ERG: variants seen among roughly 807,000 people sequenced by gnomAD.
ERG encodes the protein ETS transcription factor ERG.
Under a neutral mutation model 55.3 loss-of-function variants are expected in ERG, and 9 were observed. The ratio of observed to expected loss-of-function variants is 0.16; its 90% CI spans 0.10 to 0.28. ERG has a LOEUF of 0.28. Ranked by LOEUF, ERG falls within the 10% of genes least tolerant of loss-of-function variation. The pLI is 1.00. For synonymous variants in ERG, 223 were observed against 237.3 expected, an observed-to-expected ratio of 0.94 and a Z score of 0.55; for missense variants, 434 against 631.6, an observed-to-expected ratio of 0.69 and a Z score of 3.35.
intron 2 of ERG, among the ~76,000 whole-genome samples, chr21:38,574,875 G>C (rs992437118): frequency 6.6e-6 from 1 of 152,200 alleles, no homozygotes; most frequent in African/African-American, 2.4e-5. Flanking sequence ...ACCAGCACAG[G>C]TGTAGACAGC....
At chr21:38,403,860 G>A in intron 3 of ERG, 151 bp from the exon 4 acceptor site, 1 of 677,682 alleles carries the variant, frequency 1.5e-6, no homozygotes, top group Non-Finnish European at 2.6e-6. Flanking sequence ...GAACATTTTG[G>A]GGGAAAGACA....
At chr21:38,425,093 C>G (rs910411332) in intron 2 of ERG, among the ~76,000 whole-genome samples, 4 of 152,150 alleles carry the variant, frequency 2.6e-5, no homozygotes, top group South Asian at 4.1e-4. Flanking sequence ...AAAAGAAAAT[C>G]CAGCTTAGGG....
chr21:38,389,497 C>T (rs964028792), intron 9 of ERG, among the ~76,000 whole-genome samples: 1 of 151,896 alleles, frequency 6.6e-6, no homozygotes, highest in African/African-American at 2.4e-5. Flanking sequence ...GCTGCCAGAT[C>T]AGTCTTCCTG....
chr21:38,459,677 G>T (rs778425890), intron 1 of ERG, among the ~76,000 whole-genome samples: 2 of 152,142 alleles, frequency 1.3e-5, no homozygotes, highest in South Asian at 4.1e-4. Flanking sequence ...TCAGAGAAAG[G>T]CCATTTCTAG....
At chr21:38,413,509 G>A (rs1371936516) in intron 3 of ERG, among the ~76,000 whole-genome samples, 1 of 152,016 alleles carries the variant, frequency 6.6e-6, no homozygotes, top group Non-Finnish European at 1.5e-5. Context: ...CTCTATGAAA[G>A]ATTCAAAAAT....
intron 1 of ERG, among the ~76,000 whole-genome samples, chr21:38,639,880 G>A (rs1601342200): frequency 6.6e-6 from 1 of 152,326 alleles, no homozygotes; most frequent in South Asian, 2.1e-4. Flanking sequence ...AGGGGACCCA[G>A]CATGAAAACC....
intron 2 of ERG, among the ~76,000 whole-genome samples, chr21:38,545,931 TCTC>T (rs1162206680): frequency 2.0e-5 from 3 of 152,134 alleles, no homozygotes; most frequent in African/African-American, 7.2e-5. Context: ...TCTACAGACT[TCTC>T]CTCTCTTCTC....
intron 1 of ERG, among the ~76,000 whole-genome samples, chr21:38,601,140 G>A (rs992827476): frequency 2.6e-5 from 4 of 152,176 alleles, no homozygotes; most frequent in Admixed American, 1.3e-4. Flanking sequence ...GGATTGACAG[G>A]ATGGAACGGT....
chr21:38,583,094 T>A (rs2146879448), intron 1 of ERG, among the ~76,000 whole-genome samples: 1 of 152,380 alleles, frequency 6.6e-6, no homozygotes, highest in East Asian at 1.9e-4. Flanking sequence ...AATTTAGTAT[T>A]CATAGGAATG....
intron 2 of ERG, among the ~76,000 whole-genome samples, chr21:38,545,669 C>T (rs1378191197): frequency 8.5e-5 from 13 of 152,210 alleles, no homozygotes; most frequent in Non-Finnish European, 1.3e-4. Flanking sequence ...TCAGACACAA[C>T]GATAAACATG....
In ERG at chr21:38,440,485, C is replaced by T. The variant is rs1054483936; in HGVS notation, c.236+4919G>A. On this transcript the variant is annotated intron_variant, in intron 2 of 9. Transcript: ENST00000288319. ...CCAAAATAAAGCAGAGTGAATCACG[C>T]CCATGTTCCCTTTTATGGAGCTGCA... is the stretch of plus-strand genomic sequence containing the variant. 3.3e-5 allele frequency among the ~76,000 whole-genome samples: 5 copies of T among 152,270 alleles called. No individual in the cohort carries two copies. The East Asian group carries it at 5.8e-4, about 18-fold the overall frequency.
rs183222869 is a variant in ERG at position 38,574,381 on chromosome 21, T to C, written c.-41+1281A>G. Among the ~76,000 whole-genome samples, 420 of 152,266 alleles carry C rather than the reference T, an allele frequency of 2.8e-3. 6 individuals are homozygous for C. Among genetic ancestry groups the C allele is most frequent in the Non-Finnish European group, 7.2e-4 (49 of 68,018 alleles). ...AACAAAACATCACACAGAAATCAAA[T>C]TATAGTGTCCCCATAAGCATCTGCT... On this transcript the variant is annotated intron_variant, in intron 2 of 8. Transcript: ENST00000398897.
chr21:38,622,650 G>T (rs111067073), intron 1 of ERG, among the ~76,000 whole-genome samples: 3 of 121,376 alleles, frequency 2.5e-5, no homozygotes, highest in African/African-American at 9.8e-5. Flanking sequence ...CACATCACAC[G>T]TCACATACAC....
intron 1 of ERG, among the ~76,000 whole-genome samples, chr21:38,640,956 T>C (rs1208771164): frequency 6.6e-6 from 1 of 152,228 alleles, no homozygotes. Context: ...TGTATTAGCA[T>C]GAGAAATATA....
chr21:38,561,784 G>T (rs997924661), intron 2 of ERG, among the ~76,000 whole-genome samples: 9 of 152,090 alleles, frequency 5.9e-5, no homozygotes, highest in Non-Finnish European at 2.9e-5. Context: ...GATCTTAGCA[G>T]TGTATTTACA....
At chr21:38,539,893 ATT>A (rs11338575) in intron 2 of ERG, among the ~76,000 whole-genome samples, 16,017 of 118,658 alleles carry the variant, frequency 0.13, 736 homozygotes, top group South Asian at 0.24. Flanking sequence ...CCAACACGTG[ATT>A]TTTTTTTTTT....
intron 2 of ERG, among the ~76,000 whole-genome samples, chr21:38,572,192 T>A (rs1260983133): frequency 4.6e-5 from 6 of 130,578 alleles, no homozygotes; most frequent in Non-Finnish European, 6.4e-5. Context: ...CCGTCTCTAC[T>A]AAAAAAAAAA....
intron 5 of ERG, among the ~76,000 whole-genome samples, chr21:38,402,179 G>T (rs1569067940): frequency 6.6e-6 from 1 of 152,132 alleles, no homozygotes; most frequent in Non-Finnish European, 1.5e-5. Flanking sequence ...ATTAAAGGAG[G>T]TTGCTAAGGG....
intron 1 of ERG, among the ~76,000 whole-genome samples, chr21:38,600,936 C>T (rs572513157): frequency 6.6e-6 from 1 of 152,118 alleles, no homozygotes; most frequent in Non-Finnish European, 1.5e-5. Context: ...GCATCTAACC[C>T]CCCCTGGAAA....
Sources: gnomAD v4.1 joint callset for allele counts (sites outside exome capture counted in the v4.1 genomes callset) on GRCh38, gnomAD v4.1.1 for gene constraint, MANE v1.5 for transcripts, NCBI Gene and HGNC (gene_info 2026-07-23, HGNC 2026-07-21) for gene names.